The following RPSA2 variants were observed in gnomAD, a reference collection of about 807,000 sequenced individuals.
RPSA2 encodes small ribosomal subunit protein uS2B.
chr19:23,782,720 C>T, the RPSA2 span, among the ~76,000 whole-genome samples: 1 of 152,072 alleles, frequency 6.6e-6, no homozygotes, highest in African/African-American at 2.4e-5. Context: ...TTGTGATATG[C>T]CACGTGACAT....
the RPSA2 span, among the ~76,000 whole-genome samples, chr19:23,853,654 C>T: frequency 6.6e-6 from 1 of 152,232 alleles, no homozygotes; most frequent in South Asian, 2.1e-4. Flanking sequence ...GAACAAACCC[C>T]ATGTTTTTCA....
the RPSA2 span, among the ~76,000 whole-genome samples, chr19:23,854,918 C>A: frequency 7.2e-5 from 11 of 152,172 alleles, no homozygotes; most frequent in Non-Finnish European, 1.6e-4. Flanking sequence ...GGCCATTTTA[C>A]ACTCATGGTT....
the RPSA2 span, among the ~76,000 whole-genome samples, chr19:23,854,534 C>T: frequency 2.0e-5 from 3 of 152,144 alleles, no homozygotes; most frequent in Non-Finnish European, 4.4e-5. Flanking sequence ...CTGGGACTGG[C>T]CCTGCTTTCT....
At chr19:23,828,803 T>A in the RPSA2 span, among the ~76,000 whole-genome samples, 1 of 151,754 alleles carries the variant, frequency 6.6e-6, no homozygotes, top group Non-Finnish European at 1.5e-5. Context: ...TGTTCTTTTA[T>A]TAACATTCTT....
the RPSA2 span, chr19:23,819,575 C>CT: frequency 6.6e-6 from 1 of 152,166 alleles, no homozygotes; most frequent in Non-Finnish European, 1.5e-5. Context: ...GTCTGTGAGG[C>CT]TTATGGGCAT....
At chr19:23,812,433 G>A in the RPSA2 span, among the ~76,000 whole-genome samples, 14 of 70,058 alleles carry the variant, frequency 2.0e-4, no homozygotes, top group Non-Finnish European at 2.1e-4. Context: ...TTTTGCTCTT[G>A]TTGCTGAGGC....
At chr19:23,817,234 T>C in the RPSA2 span, among the ~76,000 whole-genome samples, 5 of 151,842 alleles carry the variant, frequency 3.3e-5, no homozygotes, top group African/African-American at 4.8e-5. Context: ...AATACAAAAT[T>C]AGCCAGGCAT....
the RPSA2 span, among the ~76,000 whole-genome samples, chr19:23,844,705 A>AATG: frequency 6.7e-6 from 1 of 149,796 alleles, no homozygotes; most frequent in Non-Finnish European, 1.5e-5. Flanking sequence ...ATTTTTTTAT[A>AATG]ATATAATAAT....
At chr19:23,825,526 A>G in the RPSA2 span, among the ~76,000 whole-genome samples, 11 of 151,884 alleles carry the variant, frequency 7.2e-5, no homozygotes, top group African/African-American at 1.7e-4. Context: ...TCTAACTTGT[A>G]TATTTGTTGT....
the RPSA2 span, among the ~76,000 whole-genome samples, chr19:23,868,996 A>T: frequency 6.6e-6 from 1 of 152,220 alleles, no homozygotes; most frequent in Non-Finnish European, 1.5e-5. Flanking sequence ...CGTCAAGGCC[A>T]GAAAAAACCC....
the RPSA2 span, among the ~76,000 whole-genome samples, chr19:23,852,587 TG>T: frequency 6.6e-6 from 1 of 150,828 alleles, no homozygotes; most frequent in Non-Finnish European, 1.5e-5. Context: ...CTCATGTTTT[TG>T]TTTGCGGCTT....
At chr19:23,852,003 G>A in the RPSA2 span, among the ~76,000 whole-genome samples, 2 of 152,234 alleles carry the variant, frequency 1.3e-5, no homozygotes, top group East Asian at 3.9e-4. Flanking sequence ...CAATTAGGGT[G>A]GCTATTTTAG....
the RPSA2 span, chr19:23,833,050 C>A: frequency 7.4e-7 from 1 of 1,355,720 alleles, no homozygotes; most frequent in Admixed American, 2.6e-5. Context: ...TGGAAAGAAA[C>A]CCTACAAGTG....
chr19:23,824,950 A>G, the RPSA2 span, among the ~76,000 whole-genome samples: 4 of 151,244 alleles, frequency 2.6e-5, no homozygotes, highest in Admixed American at 2.6e-4. Flanking sequence ...TGGTTATCTA[A>G]TAAGTTGTTT....
chr19:23,789,525 C>T, the RPSA2 span, among the ~76,000 whole-genome samples: 1 of 152,286 alleles, frequency 6.6e-6, no homozygotes, highest in Admixed American at 6.5e-5. Flanking sequence ...ATGATTCTCA[C>T]ACCTTGAACC....
chr19:23,769,749 G>T, the RPSA2 span, among the ~76,000 whole-genome samples: 1 of 152,048 alleles, frequency 6.6e-6, no homozygotes, highest in Non-Finnish European at 1.5e-5. Flanking sequence ...CCCAAAAAGG[G>T]ATTGTGGCAT....
chr19:23,814,216 T>TTA, the RPSA2 span, among the ~76,000 whole-genome samples: 5 of 143,670 alleles, frequency 3.5e-5, no homozygotes, highest in East Asian at 2.1e-4. Context: ...CATTTCAAAA[T>TTA]AAAAAAAAAA....
the RPSA2 span, chr19:23,832,862 G>T: frequency 7.6e-6 from 12 of 1,577,438 alleles, no homozygotes; most frequent in South Asian, 3.3e-5. Flanking sequence ...ACACATAAGA[G>T]AATTCATACT....
the RPSA2 span, chr19:23,799,315 T>A: frequency 1.3e-5 from 2 of 152,396 alleles, no homozygotes; most frequent in East Asian, 3.9e-4. Flanking sequence ...GACGTGGCTG[T>A]CACAGTGAGA....
Sources: allele counts gnomAD v4.1 joint callset (sites outside exome capture counted in the v4.1 genomes callset), GRCh38; gene constraint gnomAD v4.1.1; transcripts MANE v1.5; gene names NCBI Gene and HGNC (gene_info 2026-07-23, HGNC 2026-07-21).